AUTS2: variants seen among roughly 807,000 people sequenced by gnomAD.
AUTS2 encodes the protein activator of transcription and developmental regulator AUTS2, also known as autism susceptibility gene 2 protein.
AUTS2 carries 17 observed loss-of-function variants against 112.4 expected under a neutral mutation model. That is an observed-to-expected ratio of 0.15 (90% confidence interval 0.10 to 0.23). The LOEUF (loss-of-function observed/expected upper bound fraction) is 0.23. Among genes scored for constraint, AUTS2 ranks in the 10% least tolerant of loss-of-function variants. The pLI, the probability that AUTS2 is intolerant of heterozygous loss-of-function variation, is 1.00. For synonymous variants in AUTS2, 751 were observed against 702.7 expected, an observed-to-expected ratio of 1.07 and a Z score of -1.09; for missense variants, 1,510 against 1,701.6, an observed-to-expected ratio of 0.89 and a Z score of 1.98.
chr7:69,779,401 C>A (rs929961039), intron 1 of AUTS2, among the ~76,000 whole-genome samples: 4 of 152,038 alleles, frequency 2.6e-5, no homozygotes, highest in African/African-American at 9.7e-5. Context: ...AAAAATGCTG[C>A]CACCTTGGGT....
At chr7:70,368,572 C>A (rs1053259498) in intron 4 of AUTS2, among the ~76,000 whole-genome samples, 3 of 152,100 alleles carry the variant, frequency 2.0e-5, no homozygotes, top group Admixed American at 6.5e-5. Context: ...ACTGTATGGC[C>A]AACATTAATT....
chr7:70,569,257 G>A (rs1456679089), intron 5 of AUTS2, among the ~76,000 whole-genome samples: 1 of 152,182 alleles, frequency 6.6e-6, no homozygotes, highest in Admixed American at 6.5e-5. Flanking sequence ...GAGTCCCTGT[G>A]CCCTGAGGAC....
rs186396342 is a variant in AUTS2 at position 70,772,567 on chromosome 7, A to G, written c.1830+923A>G. 3.0e-3 allele frequency among the ~76,000 whole-genome samples: 462 copies of G among 152,314 alleles called. 14 individuals carry two copies. The highest frequency in any genetic ancestry group is 3.9e-3 in the Non-Finnish European group (266 of 68,040). On this transcript the variant is annotated intron_variant, in intron 11 of 18. Coordinates refer to ENST00000342771, the MANE Select transcript of AUTS2 (RefSeq NM_015570.4). Reference sequence around the variant, plus strand: ...CCATCTCATGGCTAAGGTAAAACACAGTTTTGGTCCAGAGTCTTCCAGGAT... The same window carrying G: ...CCATCTCATGGCTAAGGTAAAACACGGTTTTGGTCCAGAGTCTTCCAGGAT...
Position 70,790,815 on chromosome 7 carries a change from C to A in AUTS2, c.3599C>A (p.Thr1200Asn). The part of the protein sequence containing the change: ...PSMHYPRISP[T>N]AGNQNGLLNK... ...ATGCACTATCCCCGCATCAGCCCCACCGCGGGCAACCAGAACGGACTCCTC... is the reference window on the plus strand; with the variant it reads ...ATGCACTATCCCCGCATCAGCCCCAACGCGGGCAACCAGAACGGACTCCTC... The change falls in exon 19 of 19, where the codon ACC becomes AAC. Residue 1200 changes from threonine to asparagine, a missense_variant. Transcript: ENST00000342771. This position sits in a 1 kb window ranked among gnomAD's most constrained non-coding sequence, Gnocchi z 7.6. 1 of 1,606,532 alleles carries A rather than the reference C, an allele frequency of 6.2e-7. No homozygotes were observed. Among genetic ancestry groups the A allele is most frequent in the Non-Finnish European group, 8.5e-7 (1 of 1,175,320 alleles).
intron 2 of AUTS2, among the ~76,000 whole-genome samples, chr7:69,969,053 T>C (rs778696231): frequency 2.0e-5 from 3 of 152,030 alleles, no homozygotes; most frequent in Non-Finnish European, 1.5e-5. Context: ...GGTTTGGGAT[T>C]TTTTTTTCTC....
intron 5 of AUTS2, among the ~76,000 whole-genome samples, chr7:70,623,324 A>G (rs1804772934): frequency 1.3e-5 from 2 of 152,328 alleles, no homozygotes; most frequent in South Asian, 4.1e-4. Flanking sequence ...CTGAAGGTTT[A>G]TCTACAGCTA....
chr7:70,368,352 C>T (rs1792680495), intron 4 of AUTS2, among the ~76,000 whole-genome samples: 2 of 152,060 alleles, frequency 1.3e-5, no homozygotes, highest in South Asian at 2.1e-4. Context: ...AGGATGATGC[C>T]TATGATGTCA....
intron 4 of AUTS2, among the ~76,000 whole-genome samples, chr7:70,160,205 A>C (rs1808000233): frequency 6.6e-6 from 1 of 152,154 alleles, no homozygotes; most frequent in Non-Finnish European, 1.5e-5. Flanking sequence ...ATGTTATAGT[A>C]ATGAGTTGGA....
At chr7:69,942,526 A>C (rs543788917) in intron 2 of AUTS2, among the ~76,000 whole-genome samples, 2 of 152,274 alleles carry the variant, frequency 1.3e-5, no homozygotes, top group East Asian at 3.9e-4. Context: ...CCCTGCATCT[A>C]TGGTGACTTT....
At chr7:70,377,746 G>C (rs949781373) in intron 4 of AUTS2, among the ~76,000 whole-genome samples, 51 of 150,862 alleles carry the variant, frequency 3.4e-4, no homozygotes, top group Admixed American at 9.9e-4. Flanking sequence ...CCTTTTGTCT[G>C]GCTTATTTCG....
rs559790002 is a variant in AUTS2 at position 69,888,684 on chromosome 7, C to T, written c.310-10602C>T. ...GCAACTTCTACCTCCTGGGTTCAAGCGATTCTCCTGCCTCAGCCTCCCGAG... is the reference window on the plus strand; with the variant it reads ...GCAACTTCTACCTCCTGGGTTCAAGTGATTCTCCTGCCTCAGCCTCCCGAG... On this transcript the variant is annotated intron_variant, in intron 1 of 18. Coordinates refer to ENST00000342771, the MANE Select transcript of AUTS2 (RefSeq NM_015570.4). Among the ~76,000 whole-genome samples, 46 of 151,530 alleles carry T rather than the reference C, an allele frequency of 3.0e-4. No homozygotes were observed. The East Asian group carries it at 6.7e-3, about 22-fold the overall frequency.
At chr7:70,538,143 T>C (rs977962328) in intron 5 of AUTS2, among the ~76,000 whole-genome samples, 1 of 152,038 alleles carries the variant, frequency 6.6e-6, no homozygotes, top group African/African-American at 2.4e-5. Context: ...AGGCTGAGGC[T>C]GGAGGATCAC....
chr7:70,489,840 G>C (rs1798165897), intron 5 of AUTS2, among the ~76,000 whole-genome samples: 1 of 152,120 alleles, frequency 6.6e-6, no homozygotes, highest in South Asian at 2.1e-4. Context: ...AAGTTCATTA[G>C]AAATCAACAA....
At chr7:70,075,893 C>A (rs553325758) in intron 2 of AUTS2, among the ~76,000 whole-genome samples, 16 of 152,302 alleles carry the variant, frequency 1.1e-4, no homozygotes, top group Non-Finnish European at 2.4e-4. Context: ...GATTGCCAAA[C>A]TTTTTCTATA....
intron 1 of AUTS2, among the ~76,000 whole-genome samples, chr7:69,683,239 G>T (rs1339748721): frequency 1.3e-5 from 2 of 152,168 alleles, no homozygotes; most frequent in Non-Finnish European, 2.9e-5. Context: ...CTACCTGGCT[G>T]GTTGCCATGA....
At chr7:70,098,247 T>A (rs1290233732) in intron 2 of AUTS2, among the ~76,000 whole-genome samples, 1 of 152,214 alleles carries the variant, frequency 6.6e-6, no homozygotes, top group African/African-American at 2.4e-5. Context: ...ATGAGCAGTC[T>A]CAGTAGCTCT....
At chr7:70,137,388 T>C (rs1806622137) in intron 4 of AUTS2, among the ~76,000 whole-genome samples, 1 of 152,034 alleles carries the variant, frequency 6.6e-6, no homozygotes, top group Non-Finnish European at 1.5e-5. Flanking sequence ...TATAGACTAG[T>C]TGGAATCGAT....
intron 5 of AUTS2, among the ~76,000 whole-genome samples, chr7:70,595,119 T>TA (rs1434694678): frequency 6.6e-6 from 1 of 152,062 alleles, no homozygotes; most frequent in African/African-American, 2.4e-5. Flanking sequence ...AAAGAATTAT[T>TA]ACCAGCTGCT....
chr7:70,435,092 T>C (rs537570129), intron 4 of AUTS2, among the ~76,000 whole-genome samples: 2 of 150,908 alleles, frequency 1.3e-5, no homozygotes, highest in Admixed American at 6.6e-5. Context: ...TAAAGCATAC[T>C]TTTTTGCCCA....
Sources: gnomAD v4.1 joint callset for allele counts (sites outside exome capture counted in the v4.1 genomes callset) on GRCh38, gnomAD v4.1.1 for gene constraint, Gnocchi (gnomAD v3.1) non-coding constraint, MANE v1.5 for transcripts, NCBI Gene and HGNC (gene_info 2026-07-23, HGNC 2026-07-21) for gene names.